Variants in ASB15 observed in about 807,000 individuals in gnomAD.
ASB15 encodes the protein ankyrin repeat and SOCS box containing 15.
Under a neutral mutation model 58.0 loss-of-function variants are expected in ASB15, and 54 were observed. The ratio of observed to expected loss-of-function variants is 0.93; its 90% CI spans 0.75 to 1.17. ASB15 has a LOEUF of 1.17. Ranked by LOEUF, ASB15 falls within the 50% of genes most tolerant of loss-of-function variation. ASB15 has a pLI of 0.00. For missense variants in ASB15, 680 were observed against 707.4 expected, an observed-to-expected ratio of 0.96 and a Z score of 0.44; for synonymous variants, 249 against 262.4, an observed-to-expected ratio of 0.95 and a Z score of 0.50.
intron 4 of ASB15, among the ~76,000 whole-genome samples, chr7:123,614,948 C>CACAG (rs146637776): frequency 0.1 from 15,224 of 152,152 alleles, 1,025 homozygotes; most frequent in African/African-American, 0.19. Flanking sequence ...AGAACAAATA[C>CACAG]ACAGGTTGGT....
rs59126257 is a variant in ASB15, at chr7:123,584,308, C to CA, written c.-443+17241dup. ...CCTGTGTGACACAGAAAGGCCTTGT[C>CA]AAAAAAAAAAAAAAAAAAAAAGTAA... On this transcript the variant is annotated intron_variant, in intron 1 of 13. Transcript: ENST00000451558. 4.2e-3 allele frequency among the ~76,000 whole-genome samples: 417 copies of CA among 99,490 alleles called. 4 individuals are homozygous for CA. The highest frequency in any genetic ancestry group is 0.012 in the African/African-American group (310 of 25,856). The allele number at this position is 99,490 out of a possible 152,430, so 65.3% of individuals were successfully genotyped here. A position where few individuals can be genotyped will look rare whatever the true frequency, so the allele number is the denominator to read the frequency against.
At chr7:123,593,647 CT>C (rs1455401400) in intron 1 of ASB15, among the ~76,000 whole-genome samples, 33 of 152,200 alleles carry the variant, frequency 2.2e-4, no homozygotes, top group African/African-American at 7.0e-4. Context: ...AAGAGATCCA[CT>C]GTTAAGTCTG....
chr7:123,602,058 T>C (rs909228330), intron 1 of ASB15, 144 bp downstream of exon 1: 1 of 152,210 alleles, frequency 6.6e-6, no homozygotes, highest in African/African-American at 2.4e-5. Context: ...CGGGCTTACC[T>C]GTTTAGAGCC....
At chr7:123,598,764 T>C (rs190438335), upstream of ASB15, 54 of 152,352 alleles carry the variant, frequency 3.5e-4, no homozygotes, top group African/African-American at 1.3e-3. Context: ...CTACCTATAG[T>C]GCTACCTTAC....
At chr7:123,584,402 A>T (rs545627274) in intron 1 of ASB15, among the ~76,000 whole-genome samples, 2 of 151,822 alleles carry the variant, frequency 1.3e-5, no homozygotes, top group African/African-American at 4.8e-5. Context: ...GCGGCTAGGC[A>T]TCAGTGTTTT....
At chr7:123,569,330 G>A (rs1194522742) in intron 1 of ASB15, among the ~76,000 whole-genome samples, 4 of 152,080 alleles carry the variant, frequency 2.6e-5, no homozygotes, top group African/African-American at 4.8e-5. Flanking sequence ...GCATAAAGGA[G>A]TTTGAGCTAA....
At chr7:123,623,731 G>T (rs975502578) in intron 7 of ASB15, among the ~76,000 whole-genome samples, 1 of 151,754 alleles carries the variant, frequency 6.6e-6, no homozygotes, top group African/African-American at 2.4e-5. Context: ...AGACTTGGTG[G>T]TATGCGCCTG....
At chr7:123,578,722 C>T (rs541114070) in intron 1 of ASB15, among the ~76,000 whole-genome samples, 26 of 152,122 alleles carry the variant, frequency 1.7e-4, no homozygotes, top group Admixed American at 4.6e-4. Context: ...ATTGAATGCA[C>T]GGTTAGAATT....
chr7:123,609,154 C>A (rs4140838), intron 3 of ASB15: 45,070 of 151,860 alleles, frequency 0.3, 6,840 homozygotes, highest in East Asian at 0.4. Flanking sequence ...CCGAAACCTG[C>A]ATCTCCCTCA....
At chr7:123,591,858 A>C (rs551398160) in intron 1 of ASB15, among the ~76,000 whole-genome samples, 1 of 152,216 alleles carries the variant, frequency 6.6e-6, no homozygotes, top group African/African-American at 2.4e-5. Context: ...TGATTGAAAT[A>C]GTTTCAGAAG....
chr7:123,581,018 T>C (rs963023253), intron 1 of ASB15, among the ~76,000 whole-genome samples: 1 of 151,924 alleles, frequency 6.6e-6, no homozygotes, highest in African/African-American at 2.4e-5. Context: ...TGACTCTCCT[T>C]CCACTAGATG....
chr7:123,582,306 G>C (rs894993766), intron 1 of ASB15, among the ~76,000 whole-genome samples: 1 of 151,772 alleles, frequency 6.6e-6, no homozygotes, highest in Non-Finnish European at 1.5e-5. Context: ...TATCCAAAGG[G>C]AGTGAGTGCT....
chr7:123,584,365 G>A (rs1799318995), intron 1 of ASB15, among the ~76,000 whole-genome samples: 1 of 150,966 alleles, frequency 6.6e-6, no homozygotes, highest in Non-Finnish European at 1.5e-5. Context: ...ATGTCCTGAT[G>A]CACAGAAATT....
chr7:123,633,256 T>C (rs1364920072), intron 11 of ASB15, among the ~76,000 whole-genome samples: 1 of 152,142 alleles, frequency 6.6e-6, no homozygotes, highest in Non-Finnish European at 1.5e-5. Flanking sequence ...TCTGATAAAA[T>C]AGATACAGCA....
intron 1 of ASB15, among the ~76,000 whole-genome samples, chr7:123,575,882 C>G (rs894423698): frequency 7.0e-6 from 1 of 143,762 alleles, no homozygotes; most frequent in Non-Finnish European, 1.5e-5. Context: ...TTTTTGGTTA[C>G]TTTTCCCTGG....
intron 6 of ASB15, among the ~76,000 whole-genome samples, chr7:123,616,893 G>A (rs998445419): frequency 6.6e-6 from 1 of 152,092 alleles, no homozygotes. Context: ...TAGTACAACA[G>A]GGAGTACTGA....
At chr7:123,634,214 C>T (rs1390484436) in intron 11 of ASB15, among the ~76,000 whole-genome samples, 1 of 151,878 alleles carries the variant, frequency 6.6e-6, no homozygotes, top group East Asian at 1.9e-4. Context: ...ACCCCCCCGA[C>T]AGGCCCCACC....
chr7:123,588,363 TA>T (rs898543867), intron 1 of ASB15, among the ~76,000 whole-genome samples: 11 of 151,688 alleles, frequency 7.3e-5, no homozygotes, highest in African/African-American at 2.2e-4. Flanking sequence ...TCTGTATTTT[TA>T]TATATGTGAT....
At chr7:123,624,265 G>C (rs527558300) in intron 7 of ASB15, among the ~76,000 whole-genome samples, 24 of 152,254 alleles carry the variant, frequency 1.6e-4, no homozygotes, top group Admixed American at 3.3e-4. Flanking sequence ...TGTTGGTGAA[G>C]AAATTAAAAT....
Sources: gnomAD v4.1 joint callset for allele counts (sites outside exome capture counted in the v4.1 genomes callset) on GRCh38, gnomAD v4.1.1 for gene constraint, MANE v1.5 for transcripts, NCBI Gene and HGNC (gene_info 2026-07-23, HGNC 2026-07-21) for gene names.